The following ANO3 variants were observed in gnomAD, a reference collection of about 807,000 sequenced individuals.
ANO3 encodes anoctamin 3, also known as anoctamin-3.
Under a neutral mutation model 144.8 loss-of-function variants are expected in ANO3, and 99 were observed. The ratio of observed to expected loss-of-function variants is 0.68; its 90% confidence interval spans 0.58 to 0.81. ANO3 has a LOEUF of 0.81. ANO3 is among the 30% of genes least tolerant of loss of function. The pLI, the probability that ANO3 is intolerant of heterozygous loss-of-function variation, is 0.00. For missense variants in ANO3, 905 were observed against 1,202.2 expected (o/e 0.75, Z 3.66); for synonymous variants, 414 against 392.6 (o/e 1.05, Z -0.64).
rs963712723 is a variant in ANO3, at chr11:26,344,169, A to G, written c.46+11848A>G. Reference sequence around the variant, plus strand: ...TAAATAATAGAGAGCAATATTATTCATGGAGTGAAAGTATGGAAAATGGCA... The same window carrying G: ...TAAATAATAGAGAGCAATATTATTCGTGGAGTGAAAGTATGGAAAATGGCA... On this transcript the variant is annotated intron_variant, in intron 1 of 26. Coordinates refer to ENST00000256737, the MANE Select transcript of ANO3 (RefSeq NM_031418.4). Among the ~76,000 whole-genome samples the G allele has an allele frequency of 4.2e-4, 64 of 152,336 alleles. 1 individual carries two copies. The highest frequency in any genetic ancestry group is 1.2e-3 in the Admixed American group (19 of 15,300).
At position 26,534,456 on chromosome 11, in the gene ANO3, C is replaced by T; in HGVS notation, c.870C>T (p.His290=). The T allele has an allele frequency of 1.9e-6, 3 of 1,604,052 alleles. No individual in the cohort carries two copies. Among genetic ancestry groups the T allele is most frequent in the Non-Finnish European group, 2.6e-6 (3 of 1,171,846 alleles). ...TGPFSRARIH[H]FIINNKDTFF... Reference sequence around the variant, plus strand: ...TAAACCAATCCCCTCATCTTAACAGCTTCATAATAAATAATAAAGACACCT... The same window carrying T: ...TAAACCAATCCCCTCATCTTAACAGTTTCATAATAAATAATAAAGACACCT... Residue 290 remains histidine (H), a splice_region_variant and synonymous_variant, in exon 9 of 27, where the codon CAC becomes CAT. Transcript: ENST00000256737.
intron 24 of ANO3, 50 bp from the exon 25 acceptor site, chr11:26,656,075 C>A: frequency 1.5e-6 from 2 of 1,373,236 alleles, no homozygotes; most frequent in Non-Finnish European, 2.1e-6. Context: ...AATAATTAGG[C>A]TAGAAACGTA....
chr11:26,607,645 G>A (rs1008560299), intron 17 of ANO3, among the ~76,000 whole-genome samples: 14 of 152,240 alleles, frequency 9.2e-5, no homozygotes, highest in Non-Finnish European at 1.3e-4. Context: ...GGGAGTCTAC[G>A]TCTCTTTGTA....
intron 1 of ANO3, among the ~76,000 whole-genome samples, chr11:26,404,845 A>G (rs1243457002): frequency 2.0e-5 from 3 of 151,684 alleles, no homozygotes; most frequent in Non-Finnish European, 2.9e-5. Flanking sequence ...TGGCTTGTAC[A>G]GTGGAATTAA....
intron 4 of ANO3, among the ~76,000 whole-genome samples, chr11:26,499,723 A>G (rs894477781): frequency 6.6e-6 from 1 of 151,854 alleles, no homozygotes; most frequent in Admixed American, 6.6e-5. Context: ...GTAAATTCCT[A>G]TGTTAGCTTC....
chr11:26,433,611 T>C (rs1420981154), intron 1 of ANO3, among the ~76,000 whole-genome samples: 1 of 152,204 alleles, frequency 6.6e-6, no homozygotes, highest in African/African-American at 2.4e-5. Context: ...TGAAGGAATA[T>C]TGAATTTTAT....
chr11:26,459,948 T>A, intron 3 of ANO3: 1 of 289,160 alleles, frequency 3.5e-6, no homozygotes, highest in Non-Finnish European at 6.9e-6. Context: ...TTCTTTTAGA[T>A]TATAATTTTA....
intron 5 of ANO3, among the ~76,000 whole-genome samples, chr11:26,512,007 T>C (rs1328656905): frequency 6.6e-6 from 1 of 152,192 alleles, no homozygotes; most frequent in Non-Finnish European, 1.5e-5. Context: ...AATTGGAAGT[T>C]ATTAAATAAT....
chr11:26,210,832 T>G (rs1424677302), intron 1 of ANO3, among the ~76,000 whole-genome samples: 2 of 152,166 alleles, frequency 1.3e-5, no homozygotes, highest in Admixed American at 6.5e-5. Flanking sequence ...GCATTGATTT[T>G]GTATCCTGAG....
intron 12 of ANO3, among the ~76,000 whole-genome samples, chr11:26,549,704 T>C (rs1849881544): frequency 6.6e-6 from 1 of 151,862 alleles, no homozygotes; most frequent in Admixed American, 6.6e-5. Context: ...CATAATCAAA[T>C]ATGGCCATAT....
Position 26,546,173 on chromosome 11 carries a change from G to GT in ANO3, c.1155-1234dup, listed in dbSNP as rs1008890026. 1.6e-4 allele frequency among the ~76,000 whole-genome samples: 24 copies of GT among 149,798 alleles called. No homozygotes were observed. In the East Asian group the frequency reaches 1.8e-3, roughly 11 times the overall value. On this transcript the variant is annotated intron_variant, in intron 11 of 26. Coordinates refer to ENST00000256737, the MANE Select transcript of ANO3 (RefSeq NM_031418.4). ...GGAACACTTGTTCAAACAAACAAAT[G>GT]TTTTTTTTTCAATACCTATTAATAT...
At position 26,218,637 on chromosome 11, in the gene ANO3, T is replaced by C. The variant is rs1182737218; in HGVS notation, c.154+29307T>C. ...TATAAGCTATATAAATATGTACTAA[T>C]ATGAAAGGACAATATTTGAGGAATT... On this transcript the variant is annotated intron_variant, in intron 1 of 27. Transcript: ENST00000672621. Among the ~76,000 whole-genome samples the C allele has an allele frequency of 3.9e-5, 6 of 152,284 alleles. No homozygotes were observed. The East Asian group carries it at 1.2e-3, about 29-fold the overall frequency.
At chr11:26,245,072 A>C (rs1356507290) in intron 1 of ANO3, among the ~76,000 whole-genome samples, 1 of 151,192 alleles carries the variant, frequency 6.6e-6, no homozygotes, top group African/African-American at 2.4e-5. Flanking sequence ...AATAATTCCA[A>C]CTTGCAGAAA....
intron 18 of ANO3, among the ~76,000 whole-genome samples, chr11:26,631,117 T>C (rs1270821681): frequency 6.6e-6 from 1 of 152,008 alleles, no homozygotes; most frequent in Non-Finnish European, 1.5e-5. Context: ...TGAAAATTAT[T>C]GATAGGATGT....
Position 26,456,708 on chromosome 11 carries a change from A to G in ANO3, c.314-6322A>G, listed in dbSNP as rs551840212. On this transcript the variant is annotated intron_variant, in intron 3 of 26. Transcript: ENST00000256737. Reference sequence around the variant, plus strand: ...TAGAACTAGAAATACCATTTGACCCAGCCATCCCATTACTGGGTATATACC... The same window carrying G: ...TAGAACTAGAAATACCATTTGACCCGGCCATCCCATTACTGGGTATATACC... Among the ~76,000 whole-genome samples, 151 of 115,218 alleles carry G rather than the reference A, an allele frequency of 1.3e-3. 1 individual carries two copies. Among genetic ancestry groups the G allele is most frequent in the African/African-American group, 4.6e-3 (129 of 28,166 alleles). 75.6% of individuals were successfully genotyped at this position (115,218 alleles called of 152,430 possible). A position where few individuals can be genotyped will look rare whatever the true frequency, so the allele number is the denominator to read the frequency against.
In ANO3 at chr11:26,422,252, T is replaced by C. The variant is rs1306601938; in HGVS notation, c.47-19666T>C. ...ACACTGAGAACAATCAACCAGTTAT[T>C]ATTTACTTTTCAATTTTCTCTTTGA... is the stretch of plus-strand genomic sequence containing the variant. On this transcript the variant is annotated intron_variant, in intron 1 of 26. Transcript: ENST00000256737. Among the ~76,000 whole-genome samples the C allele has an allele frequency of 5.9e-5, 9 of 152,078 alleles. 1 individual carries two copies. The highest frequency in any genetic ancestry group is 2.2e-4 in the African/African-American group (9 of 41,438).
At chr11:26,595,485 T>TTC (rs1851595079) in intron 14 of ANO3, among the ~76,000 whole-genome samples, 1 of 148,940 alleles carries the variant, frequency 6.7e-6, no homozygotes, top group Non-Finnish European at 1.5e-5. Flanking sequence ...TTTTTTTTTT[T>TTC]TTATTCTGTA....
At chr11:26,530,494 T>TATC (rs1319077085) in intron 7 of ANO3, among the ~76,000 whole-genome samples, 11 of 25,248 alleles carry the variant, frequency 4.4e-4, no homozygotes, top group African/African-American at 7.6e-4. Context: ...TCTATCTATC[T>TATC]ATCTATCATC....
At chr11:26,268,108 C>T (rs544294111) in intron 1 of ANO3, among the ~76,000 whole-genome samples, 10 of 152,100 alleles carry the variant, frequency 6.6e-5, no homozygotes, top group Admixed American at 3.3e-4. Flanking sequence ...GTATTTATTA[C>T]GCGTCAAATA....
Sources: allele counts gnomAD v4.1 joint callset (sites outside exome capture counted in the v4.1 genomes callset), GRCh38; gene constraint gnomAD v4.1.1; transcripts MANE v1.5; gene names NCBI Gene and HGNC (gene_info 2026-07-23, HGNC 2026-07-21).